EYS: variants seen among roughly 807,000 people sequenced by gnomAD.
EYS encodes protein eyes shut homolog.
EYS carries 250 observed loss-of-function variants against 282.1 expected under a neutral mutation model. That is an observed-to-expected ratio of 0.89 (90% CI 0.80 to 0.98). The LOEUF (loss-of-function observed/expected upper bound fraction) is 0.98. Ranked by LOEUF, EYS falls within the 50% of genes least tolerant of loss-of-function variation. The probability of loss-of-function intolerance (pLI) is 0.00; values close to 1 mark genes in which losing one functional copy is unlikely to be tolerated. For synonymous variants in EYS, 1,355 were observed against 1,282.9 expected (o/e 1.06, Z -1.20); for missense variants, 4,016 against 3,709.0 (o/e 1.08, Z -2.15).
chr6:64,120,440 C>T (rs1299495771), intron 31 of EYS, among the ~76,000 whole-genome samples: 1 of 143,128 alleles, frequency 7.0e-6, no homozygotes, highest in African/African-American at 2.6e-5. Flanking sequence ...AATGATAATA[C>T]AAATCTTGCT....
At chr6:64,313,112 T>C (rs559728126) in intron 29 of EYS, among the ~76,000 whole-genome samples, 16 of 152,302 alleles carry the variant, frequency 1.1e-4, no homozygotes, top group East Asian at 3.9e-4. Context: ...CCTAACACAA[T>C]GCAAGGAAGC....
chr6:64,394,611 A>C (rs1331483676), intron 28 of EYS, among the ~76,000 whole-genome samples: 1 of 151,788 alleles, frequency 6.6e-6, no homozygotes, highest in Non-Finnish European at 1.5e-5. Context: ...CCTTCCTTAC[A>C]CCTTATACAA....
chr6:65,685,152 T>C (rs911367110), intron 1 of EYS, among the ~76,000 whole-genome samples: 3 of 152,044 alleles, frequency 2.0e-5, no homozygotes, highest in Admixed American at 1.3e-4. Flanking sequence ...GCATAGCCTA[T>C]ACTAGACAGG....
intron 5 of EYS, among the ~76,000 whole-genome samples, chr6:65,443,196 C>A (rs1026484551): frequency 6.6e-6 from 1 of 151,272 alleles, no homozygotes; most frequent in African/African-American, 2.4e-5. Flanking sequence ...TACATATGTG[C>A]GCACATATAT....
intron 41 of EYS, among the ~76,000 whole-genome samples, chr6:63,742,951 G>C (rs1769121264): frequency 6.6e-6 from 1 of 152,132 alleles, no homozygotes; most frequent in African/African-American, 2.4e-5. Flanking sequence ...GATTTTGTGT[G>C]GACGTAAGTT....
intron 22 of EYS, among the ~76,000 whole-genome samples, chr6:64,749,961 TTAG>T (rs1352747555): frequency 1.3e-5 from 2 of 152,064 alleles, no homozygotes; most frequent in Non-Finnish European, 2.9e-5. Context: ...TTTAATATTA[TTAG>T]AAGTATTATA....
intron 33 of EYS, among the ~76,000 whole-genome samples, chr6:64,002,519 A>G (rs887587717): frequency 6.6e-6 from 1 of 152,154 alleles, no homozygotes; most frequent in Non-Finnish European, 1.5e-5. Context: ...ACAGACTCCC[A>G]CCCCTAGATG....
chr6:64,628,629 A>G (rs1271626340), intron 22 of EYS, among the ~76,000 whole-genome samples: 1 of 152,184 alleles, frequency 6.6e-6, no homozygotes, highest in African/African-American at 2.4e-5. Flanking sequence ...ATTACACAAA[A>G]TGGGTCATGC....
chr6:63,760,766 A>C (rs1769618664), intron 41 of EYS, among the ~76,000 whole-genome samples: 1 of 151,854 alleles, frequency 6.6e-6, no homozygotes, highest in African/African-American at 2.4e-5. Context: ...ATTTATATAC[A>C]TCCACACACC....
intron 2 of EYS, among the ~76,000 whole-genome samples, chr6:65,616,288 GTTTGT>G (rs1318885186): frequency 6.6e-6 from 1 of 151,920 alleles, no homozygotes; most frequent in African/African-American, 2.4e-5. Context: ...AGTTTTCTGA[GTTTGT>G]TTTAATTCAC....
chr6:64,990,324 C>A (rs1212126079), intron 14 of EYS, among the ~76,000 whole-genome samples: 1 of 151,308 alleles, frequency 6.6e-6, no homozygotes, highest in African/African-American at 2.4e-5. Flanking sequence ...ATCTAAATGG[C>A]ATATAAAATG....
chr6:65,543,584 G>C (rs1040056306), intron 2 of EYS, among the ~76,000 whole-genome samples: 4 of 151,596 alleles, frequency 2.6e-5, no homozygotes, highest in Non-Finnish European at 5.9e-5. Context: ...TCTCAGACCA[G>C]GTGTTTTCAA....
chr6:64,945,232 A>G (rs1226573704), intron 15 of EYS, among the ~76,000 whole-genome samples: 1 of 152,020 alleles, frequency 6.6e-6, no homozygotes, highest in Non-Finnish European at 1.5e-5. Flanking sequence ...AGCAAAAAAC[A>G]ACTCCATTAA....
intron 30 of EYS, among the ~76,000 whole-genome samples, chr6:64,232,730 A>G (rs920530757): frequency 1.3e-5 from 2 of 152,134 alleles, no homozygotes; most frequent in South Asian, 2.1e-4. Context: ...GCAGTGAAAT[A>G]ATTTTGTCAC....
chr6:64,204,957 A>G (rs1765572368), intron 31 of EYS, among the ~76,000 whole-genome samples: 1 of 152,152 alleles, frequency 6.6e-6, no homozygotes, highest in East Asian at 1.9e-4. Context: ...AAATGCACTG[A>G]TGGATTGATA....
chr6:63,938,589 A>G (rs1165803842), intron 35 of EYS, among the ~76,000 whole-genome samples: 2 of 152,238 alleles, frequency 1.3e-5, no homozygotes, highest in Non-Finnish European at 2.9e-5. Context: ...CTCTTGGTTG[A>G]AAAAGAAAAT....
chr6:64,131,725 T>C (rs1208607286), intron 31 of EYS, among the ~76,000 whole-genome samples: 5 of 152,104 alleles, frequency 3.3e-5, no homozygotes, highest in Non-Finnish European at 7.4e-5. Context: ...TGCTGACAAG[T>C]GGTGAAGTGG....
intron 30 of EYS, among the ~76,000 whole-genome samples, chr6:64,285,739 G>GA (rs1430674555): frequency 6.6e-6 from 1 of 152,166 alleles, no homozygotes; most frequent in East Asian, 1.9e-4. Context: ...AATGGGAGGT[G>GA]AAAGCCCATT....
intron 12 of EYS, among the ~76,000 whole-genome samples, chr6:65,119,749 T>C (rs1295718849): frequency 1.3e-5 from 2 of 151,708 alleles, no homozygotes; most frequent in Non-Finnish European, 2.9e-5. Context: ...CACCTGTGGT[T>C]CCAGCTACTT....
Sources: allele counts gnomAD v4.1 joint callset (sites outside exome capture counted in the v4.1 genomes callset), GRCh38; gene constraint gnomAD v4.1.1; transcripts MANE v1.5; gene names NCBI Gene and HGNC (gene_info 2026-07-23, HGNC 2026-07-21).